Variants in DNAJC13 observed in about 807,000 individuals in gnomAD.
The protein encoded by DNAJC13 is DnaJ heat shock protein family (Hsp40) member C13.
A neutral mutation model predicts 290.5 loss-of-function variants in DNAJC13; 75 were observed. The observed-to-expected ratio is 0.26, with a 90% CI of 0.21 to 0.31. The LOEUF (loss-of-function observed/expected upper bound fraction) is 0.31, where lower values mean the gene tolerates loss of function less well. Ranked by LOEUF, DNAJC13 falls within the 10% of genes least tolerant of loss-of-function variation. The pLI is 1.00. For synonymous variants in DNAJC13, 862 were observed against 892.0 expected, an observed-to-expected ratio of 0.97 and a Z score of 0.60; for missense variants, 2,260 against 2,674.5, an observed-to-expected ratio of 0.85 and a Z score of 3.42.
chr3:132,488,822 T>C (rs1934968835), intron 30 of DNAJC13, among the ~76,000 whole-genome samples, 154 bp from the exon 31 acceptor site: 1 of 152,184 alleles, frequency 6.6e-6, no homozygotes. Flanking sequence ...AGTTCTTGCC[T>C]TATTCAGAAA....
chr3:132,461,012 C>A, intron 14 of DNAJC13, 38 bp from the exon 15 acceptor site: 1 of 1,593,672 alleles, frequency 6.3e-7, no homozygotes, highest in Non-Finnish European at 8.6e-7. Context: ...AGGTCCCCAT[C>A]TCTTAAGTCT....
At chr3:132,456,885 A>G in intron 12 of DNAJC13, 53 bp downstream of exon 12, 1 of 1,569,836 alleles carries the variant, frequency 6.4e-7, no homozygotes, top group Non-Finnish European at 8.7e-7. Flanking sequence ...ACTACTCAAA[A>G]TGGCAAATAA....
intron 31 of DNAJC13, among the ~76,000 whole-genome samples, chr3:132,489,602 G>C (rs1935000650): frequency 6.6e-6 from 1 of 151,948 alleles, no homozygotes; most frequent in Non-Finnish European, 1.5e-5. Context: ...AATATGTTCA[G>C]CTTTTCATGG....
At chr3:132,424,828 C>T (rs1939049599) in intron 1 of DNAJC13, among the ~76,000 whole-genome samples, 1 of 151,938 alleles carries the variant, frequency 6.6e-6, no homozygotes. Flanking sequence ...TTTAAGATTC[C>T]TGTTGGTATC....
chr3:132,505,233 T>A (rs146111943), intron 41 of DNAJC13, 69 bp from the exon 42 acceptor site: 46 of 992,392 alleles, frequency 4.6e-5, no homozygotes, highest in African/African-American at 8.2e-5. Flanking sequence ...ATAATAGACA[T>A]TTTTAATAAG....
At chr3:132,519,225 A>G (rs1936011397) in intron 48 of DNAJC13, among the ~76,000 whole-genome samples, 1 of 152,058 alleles carries the variant, frequency 6.6e-6, no homozygotes, top group African/African-American at 2.4e-5. Flanking sequence ...TTGTTTTCCA[A>G]AGTAGCTCTA....
At chr3:132,465,937 C>A in intron 17 of DNAJC13, 58 bp from the exon 18 acceptor site, 1 of 1,137,078 alleles carries the variant, frequency 8.8e-7, no homozygotes. Context: ...CTTAAAAATT[C>A]CTTTCTGTTC....
In DNAJC13 at chr3:132,457,316, G is replaced by A; in HGVS notation, c.1397G>A (p.Ser466Asn). ...GVKVVKALKR[S>N]NNGIIHAAVD... ...AAGGTAGTAAAAGCACTCAAAAGAA[G>A]CAACAACGGAATAATCCATGCAGCA... Residue 466 changes from serine (S) to asparagine (N), a missense_variant, in exon 13 of 56, where the codon AGC becomes AAC. Transcript: ENST00000260818. The A allele has an allele frequency of 6.2e-7, 1 of 1,613,566 alleles. No individual in the cohort carries two copies. The highest frequency in any genetic ancestry group is 8.5e-7 in the Non-Finnish European group (1 of 1,179,674).
intron 16 of DNAJC13, 100 bp from the exon 17 acceptor site, chr3:132,463,596 G>T: frequency 7.3e-7 from 1 of 1,365,436 alleles, no homozygotes; most frequent in Non-Finnish European, 9.8e-7. Flanking sequence ...ATTACATACT[G>T]AATGTTTTTT....
intron 35 of DNAJC13, 39 bp from the exon 36 acceptor site, chr3:132,496,489 A>T (rs779920699): frequency 1.2e-5 from 18 of 1,513,962 alleles, no homozygotes; most frequent in Non-Finnish European, 1.5e-5. Context: ...ATTTTGCGAC[A>T]TTCCAAATTA....
intron 30 of DNAJC13, 103 bp downstream of exon 30, chr3:132,488,555 A>G (rs1036919739): frequency 7.6e-6 from 9 of 1,188,004 alleles, no homozygotes; most frequent in Admixed American, 2.8e-5. Flanking sequence ...TATTAAAATT[A>G]TAATTGTAAA....
At chr3:132,418,389 G>A (rs992284200) in intron 1 of DNAJC13, among the ~76,000 whole-genome samples, 5 of 152,162 alleles carry the variant, frequency 3.3e-5, no homozygotes, top group Admixed American at 2.0e-4. Flanking sequence ...GTAGGACTTA[G>A]ACGCTCAGTG....
At chr3:132,523,953 T>C (rs1576520446) in intron 51 of DNAJC13, 1 of 387,064 alleles carries the variant, frequency 2.6e-6, no homozygotes, top group East Asian at 4.3e-5. Flanking sequence ...AGGATGCTAT[T>C]TCTAACAGTT....
intron 55 of DNAJC13, among the ~76,000 whole-genome samples, chr3:132,535,233 G>A (rs1316491917): frequency 6.6e-6 from 1 of 152,170 alleles, no homozygotes; most frequent in Non-Finnish European, 1.5e-5. Context: ...TCTTCTCTCT[G>A]GCTGCTGAGT....
intron 1 of DNAJC13, among the ~76,000 whole-genome samples, chr3:132,433,028 TTA>T (rs1293687633): frequency 3.3e-5 from 5 of 152,210 alleles, no homozygotes; most frequent in African/African-American, 1.2e-4. Flanking sequence ...AATAATTTTC[TTA>T]TAGAATAATT....
At chr3:132,483,660 A>G (rs1934755955) in intron 28 of DNAJC13, 83 bp downstream of exon 28, 6 of 1,367,718 alleles carry the variant, frequency 4.4e-6, no homozygotes, top group Non-Finnish European at 5.2e-6. Flanking sequence ...TTTTAAAACA[A>G]AGATGTCCTA....
intron 46 of DNAJC13, 31 bp downstream of exon 46, chr3:132,514,701 C>T: frequency 1.3e-6 from 2 of 1,512,282 alleles, no homozygotes; most frequent in Non-Finnish European, 9.2e-7. Flanking sequence ...TTGGAAACCA[C>T]AGCAAGATTA....
At chr3:132,444,259 A>G (rs956219860) in intron 2 of DNAJC13, among the ~76,000 whole-genome samples, 5 of 152,234 alleles carry the variant, frequency 3.3e-5, no homozygotes, top group African/African-American at 1.2e-4. Context: ...GTCTTCCACA[A>G]AGCCAGTCCC....
Position 132,480,360 on chromosome 3 carries a change from C to T in DNAJC13, c.2773-9C>T, listed in dbSNP as rs1330148186. ...TTTAGATTACGAAAAAAATGTTTTCCTCTTCCAGAAAAATGTTAAGGATCT... is the reference window on the plus strand; with the variant it reads ...TTTAGATTACGAAAAAAATGTTTTCTTCTTCCAGAAAAATGTTAAGGATCT... On this transcript the variant is annotated splice_polypyrimidine_tract_variant and intron_variant, in intron 25 of 55. Transcript: ENST00000260818. 6.2e-7 allele frequency: 1 copy of T among 1,602,480 alleles called. No homozygotes were observed. The highest frequency in any genetic ancestry group is 8.5e-7 in the Non-Finnish European group (1 of 1,170,748).
Sources: gnomAD v4.1 joint callset for allele counts (sites outside exome capture counted in the v4.1 genomes callset) on GRCh38, gnomAD v4.1.1 for gene constraint, MANE v1.5 for transcripts, NCBI Gene and HGNC (gene_info 2026-07-23, HGNC 2026-07-21) for gene names.